The following PPIL4 variants were observed in gnomAD, a reference collection of about 807,000 sequenced individuals.
The protein encoded by PPIL4 is peptidylprolyl isomerase like 4.
A neutral mutation model predicts 69.1 loss-of-function variants in PPIL4; 50 were observed. That is an observed-to-expected ratio of 0.72 (90% CI 0.58 to 0.92). The LOEUF is 0.92. Among genes scored for constraint, PPIL4 ranks in the 40% least tolerant of loss-of-function variants. The probability of loss-of-function intolerance (pLI) is 0.00; values close to 1 mark genes in which losing one functional copy is unlikely to be tolerated. For missense variants in PPIL4, 480 were observed against 587.9 expected, an observed-to-expected ratio of 0.82 and a Z score of 1.90; for synonymous variants, 193 against 191.6, an observed-to-expected ratio of 1.01 and a Z score of -0.06.
At chr6:149,533,405 T>G in intron 7 of PPIL4, 53 bp downstream of exon 7, 1 of 936,520 alleles carries the variant, frequency 1.1e-6, no homozygotes, top group East Asian at 2.5e-5. Flanking sequence ...AAACACTCAG[T>G]AAGTATTATT....
intron 8 of PPIL4, among the ~76,000 whole-genome samples, chr6:149,526,038 G>A (rs1259683545): frequency 6.6e-6 from 1 of 152,156 alleles, no homozygotes; most frequent in Non-Finnish European, 1.5e-5. Context: ...GGCAGAGGTT[G>A]CAGTGAGCCG....
At chr6:149,525,252 G>T in intron 8 of PPIL4, 43 bp from the exon 9 acceptor site, 2 of 972,764 alleles carry the variant, frequency 2.1e-6, no homozygotes, top group South Asian at 3.2e-5. Context: ...AAAAAAAAAG[G>T]AAGAAAGCAT....
chr6:149,534,729 AG>A lies in PPIL4; in HGVS notation c.509del (p.Pro170LeufsTer4), dbSNP rs765711546. The A allele has an allele frequency of 6.3e-7, 1 of 1,599,598 alleles. No homozygotes were observed. The highest frequency in any genetic ancestry group is 8.5e-7 in the Non-Finnish European group (1 of 1,170,268). ...GTGATCGATCAGGGATTAATAAATC[AG>A]GAGGGTCATCAAATGGATCATCTAA... ...VILDDPFDDPPDLLIPDRSPE... is the reference protein window; with the variant it reads ...VILDDPFDDPXDLLIPDRSPE... On this transcript the variant is annotated frameshift_variant, in exon 6 of 13. Transcript: ENST00000253329. LOFTEE classifies it high-confidence loss of function.
chr6:149,536,998 T>C (rs890809211), intron 4 of PPIL4, among the ~76,000 whole-genome samples: 14 of 151,916 alleles, frequency 9.2e-5, no homozygotes, highest in Non-Finnish European at 2.1e-4. Flanking sequence ...TGGTGGCGTG[T>C]GCCTGTAATC....
chr6:149,543,598 C>G (rs1476168567), intron 1 of PPIL4, among the ~76,000 whole-genome samples: 1 of 151,964 alleles, frequency 6.6e-6, no homozygotes, highest in Non-Finnish European at 1.5e-5. Flanking sequence ...TTTTTTACAA[C>G]TTTTTCTCTT....
intron 9 of PPIL4, among the ~76,000 whole-genome samples, chr6:149,522,492 C>G (rs2115032447): frequency 6.6e-6 from 1 of 152,254 alleles, no homozygotes; most frequent in East Asian, 1.9e-4. Context: ...TAGAAACAGA[C>G]TCTATACATA....
intron 7 of PPIL4, among the ~76,000 whole-genome samples, chr6:149,529,515 C>G (rs1777159555): frequency 1.3e-5 from 2 of 151,696 alleles, no homozygotes; most frequent in African/African-American, 4.8e-5. Flanking sequence ...GTAATCCCAG[C>G]ACTTTGGGAG....
At chr6:149,507,512 T>A (rs1015426431) in intron 12 of PPIL4, among the ~76,000 whole-genome samples, 1 of 152,230 alleles carries the variant, frequency 6.6e-6, no homozygotes, top group Non-Finnish European at 1.5e-5. Context: ...ATTCATATAC[T>A]ATTATATCTG....
At chr6:149,535,544 A>C in intron 5 of PPIL4, 52 bp downstream of exon 5, 1 of 1,463,370 alleles carries the variant, frequency 6.8e-7, no homozygotes, top group Non-Finnish European at 9.5e-7. Flanking sequence ...CGTGTTAAAC[A>C]TCTCAATATT....
intron 12 of PPIL4, among the ~76,000 whole-genome samples, chr6:149,508,309 T>C (rs749707971): frequency 2.6e-5 from 4 of 152,286 alleles, no homozygotes; most frequent in Non-Finnish European, 5.9e-5. Flanking sequence ...TCTTCATATC[T>C]AAAGTGAGAT....
intron 6 of PPIL4, among the ~76,000 whole-genome samples, chr6:149,534,328 G>T: frequency 6.6e-6 from 1 of 152,184 alleles, no homozygotes; most frequent in East Asian, 1.9e-4. Flanking sequence ...CTGTTTCACA[G>T]AAATTTCTGG....
chr6:149,521,089 G>T lies in PPIL4; in HGVS notation c.953C>A (p.Ser318Ter). 1 of 1,599,406 alleles carries T rather than the reference G, an allele frequency of 6.3e-7. No individual in the cohort carries two copies. ...TCCTTTCCATTTAACCTTTGCAACC[G>T]ACTGGCTAAAATCCACATGTATTCT... The part of the protein sequence containing the change: ...DRRIHVDFSQ[S>*]VAKVKWKGKG... The change falls in exon 10 of 13, where the codon TCG becomes TAG. Residue 318 changes from serine to a stop codon, truncating the protein, a stop_gained. Coordinates refer to ENST00000253329, the MANE Select transcript of PPIL4 (RefSeq NM_139126.4). LOFTEE classifies it high-confidence loss of function.
chr6:149,529,927 G>A (rs1052183869), intron 7 of PPIL4, among the ~76,000 whole-genome samples: 2 of 152,148 alleles, frequency 1.3e-5, no homozygotes, highest in African/African-American at 4.8e-5. Flanking sequence ...CCAACTATAT[G>A]ACATTTTGAA....
intron 1 of PPIL4, 69 bp downstream of exon 1, chr6:149,545,867 G>T: frequency 7.1e-7 from 1 of 1,410,152 alleles, no homozygotes; most frequent in Non-Finnish European, 9.8e-7. Context: ...CCTGGACTGC[G>T]CAGAGAAGGG....
intron 11 of PPIL4, among the ~76,000 whole-genome samples, chr6:149,512,732 A>G (rs1013624525): frequency 6.6e-6 from 1 of 152,102 alleles, no homozygotes; most frequent in Admixed American, 6.6e-5. Flanking sequence ...TCGAGTTATC[A>G]TGTTTAAATT....
intron 11 of PPIL4, among the ~76,000 whole-genome samples, chr6:149,515,085 G>A (rs1022352614): frequency 2.0e-5 from 3 of 151,582 alleles, no homozygotes; most frequent in Non-Finnish European, 2.9e-5. Flanking sequence ...TGATCTGCCC[G>A]CCTCGGCCTC....
intron 4 of PPIL4, among the ~76,000 whole-genome samples, chr6:149,537,537 C>G (rs1383507995): frequency 6.6e-6 from 1 of 151,858 alleles, no homozygotes; most frequent in African/African-American, 2.4e-5. Flanking sequence ...GAAACCCCGT[C>G]TCTACTAAAA....
At chr6:149,532,854 A>G (rs547661345) in intron 7 of PPIL4, among the ~76,000 whole-genome samples, 2 of 152,322 alleles carry the variant, frequency 1.3e-5, no homozygotes, top group African/African-American at 4.8e-5. Flanking sequence ...AACAGACTAC[A>G]AATCTGAAAG....
intron 8 of PPIL4, 116 bp downstream of exon 8, chr6:149,526,536 A>C: frequency 1.1e-6 from 1 of 921,316 alleles, no homozygotes; most frequent in Non-Finnish European, 1.7e-6. Flanking sequence ...ACCTGTAAAA[A>C]TTCACCAGTA....
Sources: allele counts gnomAD v4.1 joint callset (sites outside exome capture counted in the v4.1 genomes callset), GRCh38; gene constraint gnomAD v4.1.1; transcripts MANE v1.5; gene names NCBI Gene and HGNC (gene_info 2026-07-23, HGNC 2026-07-21).